EYS: variants seen among roughly 807,000 people sequenced by gnomAD.
EYS encodes protein eyes shut homolog.
In EYS, 250 loss-of-function variants were observed where a neutral mutation model predicts 282.1. The observed-to-expected ratio is 0.89, with a 90% CI of 0.80 to 0.98. The LOEUF is 0.98. EYS is among the 50% of genes least tolerant of loss of function. The probability of loss-of-function intolerance (pLI) is 0.00; values close to 1 mark genes in which losing one functional copy is unlikely to be tolerated. For synonymous variants in EYS, 1,355 were observed against 1,282.9 expected, an observed-to-expected ratio of 1.06 and a Z score of -1.20; for missense variants, 4,016 against 3,709.0, an observed-to-expected ratio of 1.08 and a Z score of -2.15.
chr6:65,579,664 T>C (rs1764803013), intron 2 of EYS, among the ~76,000 whole-genome samples: 1 of 152,022 alleles, frequency 6.6e-6, no homozygotes, highest in African/African-American at 2.4e-5. Flanking sequence ...CAGAAATCTG[T>C]CTCTTTCTTT....
intron 36 of EYS, among the ~76,000 whole-genome samples, chr6:63,810,376 A>C (rs1046238976): frequency 1.4e-5 from 2 of 147,990 alleles, no homozygotes; most frequent in African/African-American, 2.5e-5. Flanking sequence ...AATGCACAGA[A>C]GTGGCTAAGA....
intron 32 of EYS, among the ~76,000 whole-genome samples, chr6:64,080,116 A>C (rs996031094): frequency 1.3e-5 from 2 of 152,166 alleles, no homozygotes; most frequent in East Asian, 3.9e-4. Flanking sequence ...TGGTATTTCT[A>C]GTTCTAGATC....
intron 1 of EYS, among the ~76,000 whole-genome samples, chr6:65,658,839 T>C (rs902435356): frequency 6.6e-6 from 1 of 151,654 alleles, no homozygotes; most frequent in South Asian, 2.1e-4. Context: ...TTTACAGATA[T>C]TGTCTTGGGA....
chr6:64,258,092 C>T (rs756429624), intron 30 of EYS, among the ~76,000 whole-genome samples: 6 of 151,990 alleles, frequency 3.9e-5, no homozygotes, highest in East Asian at 1.9e-4. Flanking sequence ...AGAAGCTATG[C>T]GTATTCATTC....
At chr6:64,703,874 A>C (rs999621412) in intron 22 of EYS, among the ~76,000 whole-genome samples, 1 of 152,150 alleles carries the variant, frequency 6.6e-6, no homozygotes, top group African/African-American at 2.4e-5. Flanking sequence ...TGGCAGTTAG[A>C]AGGGAGAGGT....
Position 63,720,870 on chromosome 6 carries a change from GTC to G in EYS, c.9159_9160del (p.Gln3053HisfsTer9), listed in dbSNP as rs1486663077. On this transcript the variant is annotated frameshift_variant, in exon 43 of 43. Transcript: ENST00000503581. LOFTEE classifies it high-confidence loss of function. ...GTTATTTATGTAGGCCTTGATAAGA[GTC>G]TGATTTTGAATTACAACTACATGGT... is the stretch of plus-strand genomic sequence containing the variant. 9.7e-6 allele frequency: 15 copies of G among 1,550,928 alleles called. No individual in the cohort carries two copies. Among genetic ancestry groups the G allele is most frequent in the Non-Finnish European group, 1.2e-5 (14 of 1,146,550 alleles).
chr6:65,246,754 G>A (rs758811196), intron 12 of EYS, among the ~76,000 whole-genome samples: 11 of 152,158 alleles, frequency 7.2e-5, no homozygotes, highest in South Asian at 2.1e-4. Context: ...TCTTTCATAC[G>A]TTCTTCAATC....
At chr6:65,268,624 T>C (rs1767818973) in intron 12 of EYS, among the ~76,000 whole-genome samples, 1 of 152,156 alleles carries the variant, frequency 6.6e-6, no homozygotes. Context: ...TTACTGAGCT[T>C]GGAAAGAAAC....
At chr6:64,526,422 T>C (rs1777922183) in intron 26 of EYS, among the ~76,000 whole-genome samples, 1 of 151,826 alleles carries the variant, frequency 6.6e-6, no homozygotes, top group African/African-American at 2.4e-5. Context: ...AAAAGTTTAA[T>C]TTAAAACAAT....
intron 5 of EYS, among the ~76,000 whole-genome samples, chr6:65,476,906 T>C (rs1765429790): frequency 1.3e-5 from 2 of 152,116 alleles, no homozygotes; most frequent in Non-Finnish European, 2.9e-5. Flanking sequence ...AAAATAAGAA[T>C]TTGATTGGGT....
intron 2 of EYS, among the ~76,000 whole-genome samples, chr6:65,496,685 T>C (rs1766269004): frequency 6.6e-6 from 1 of 152,110 alleles, no homozygotes; most frequent in Non-Finnish European, 1.5e-5. Flanking sequence ...AGTCACTCAA[T>C]AAATAGTAGC....
chr6:64,242,324 TAC>T (rs1473411631), intron 30 of EYS, among the ~76,000 whole-genome samples: 3 of 152,126 alleles, frequency 2.0e-5, no homozygotes, highest in Non-Finnish European at 2.9e-5. Context: ...TGCCTTTTGA[TAC>T]CAGAACCCAA....
intron 12 of EYS, among the ~76,000 whole-genome samples, chr6:65,225,973 G>C (rs1225767158): frequency 6.6e-6 from 1 of 151,828 alleles, no homozygotes; most frequent in Non-Finnish European, 1.5e-5. Flanking sequence ...TTTAATATCA[G>C]GAACTAGACA....
chr6:64,059,397 T>G (rs1315213575), intron 33 of EYS, among the ~76,000 whole-genome samples: 1 of 152,190 alleles, frequency 6.6e-6, no homozygotes, highest in African/African-American at 2.4e-5. Context: ...AAGGCACAAA[T>G]GTGATTACAG....
intron 26 of EYS, among the ~76,000 whole-genome samples, chr6:64,532,673 C>T (rs998289044): frequency 3.5e-4 from 53 of 152,206 alleles, no homozygotes; most frequent in Middle Eastern, 6.8e-3. Flanking sequence ...TGCGCCACTG[C>T]ATTCCAGCCT....
At chr6:65,650,616 A>G (rs1767619780) in intron 1 of EYS, among the ~76,000 whole-genome samples, 1 of 152,270 alleles carries the variant, frequency 6.6e-6, no homozygotes, top group South Asian at 2.1e-4. Flanking sequence ...CGAATGATAA[A>G]TTATTTTCCC....
At chr6:65,652,048 G>A (rs559705762) in intron 1 of EYS, among the ~76,000 whole-genome samples, 1 of 151,868 alleles carries the variant, frequency 6.6e-6, no homozygotes, top group South Asian at 2.1e-4. Context: ...TCTGATGTAT[G>A]TAGAATTAAA....
Position 65,458,176 on chromosome 6 carries a change from T to C in EYS, c.862+32418A>G, listed in dbSNP as rs560407368. ...TCCTAAACTCTGAATTATCCTCTAC[T>C]CTTGTCATTCAAGATATCACTGTAA... On this transcript the variant is annotated intron_variant, in intron 5 of 42. Transcript: ENST00000503581. Among the ~76,000 whole-genome samples, 4 of 152,300 alleles carry C rather than the reference T, an allele frequency of 2.6e-5. No individual in the cohort carries two copies. The East Asian group carries it at 7.7e-4, about 29-fold the overall frequency.
intron 42 of EYS, among the ~76,000 whole-genome samples, chr6:63,726,128 T>TA (rs1167751184): frequency 1.3e-5 from 2 of 152,164 alleles, no homozygotes; most frequent in Non-Finnish European, 2.9e-5. Context: ...CAGAACAACT[T>TA]AAAGAGAATT....
Sources: allele counts gnomAD v4.1 joint callset (sites outside exome capture counted in the v4.1 genomes callset), GRCh38; gene constraint gnomAD v4.1.1; transcripts MANE v1.5; gene names NCBI Gene and HGNC (gene_info 2026-07-23, HGNC 2026-07-21).